The following DGKB variants were observed in gnomAD, a reference collection of about 807,000 sequenced individuals.
DGKB encodes 90 kDa diacylglycerol kinase.
Under a neutral mutation model 114.3 loss-of-function variants are expected in DGKB, and 67 were observed. That is an observed-to-expected ratio of 0.59 (90% CI 0.48 to 0.72). The LOEUF (loss-of-function observed/expected upper bound fraction) is 0.72, where lower values mean the gene tolerates loss of function less well. Ranked by LOEUF, DGKB falls within the 30% of genes least tolerant of loss-of-function variation. The probability of loss-of-function intolerance (pLI) is 0.00; values close to 1 mark genes in which losing one functional copy is unlikely to be tolerated. For missense variants in DGKB, 907 were observed against 975.2 expected (o/e 0.93, Z 0.93); for synonymous variants, 398 against 323.1 (o/e 1.23, Z -2.49).
chr7:14,192,544 G>T (rs770123790), intron 23 of DGKB, among the ~76,000 whole-genome samples: 48 of 152,016 alleles, frequency 3.2e-4, no homozygotes, highest in Non-Finnish European at 5.1e-4. Context: ...AAAGTGATCT[G>T]CAGATTTAAT....
chr7:14,694,501 A>G (rs1257761384), intron 8 of DGKB, among the ~76,000 whole-genome samples: 2 of 152,290 alleles, frequency 1.3e-5, no homozygotes, highest in East Asian at 3.9e-4. Context: ...TACTTTCTTC[A>G]TATTATTTTT....
At chr7:14,315,284 A>C (rs1806254437) in intron 23 of DGKB, among the ~76,000 whole-genome samples, 1 of 151,352 alleles carries the variant, frequency 6.6e-6, no homozygotes, top group Admixed American at 6.6e-5. Context: ...ACATAACACT[A>C]TTAACTTTAA....
In DGKB at chr7:14,472,361, C is replaced by A. The variant is rs572667776; in HGVS notation, c.1835+5800G>T. ...GTTTCCCTGCACAAGCTAGCTCTCT[C>A]ATTGCCTGCCACCATCCACGTACAA... On this transcript the variant is annotated intron_variant, in intron 21 of 25. Coordinates refer to ENST00000402815, the MANE Select transcript of DGKB (RefSeq NM_001350709.2). 2.0e-5 allele frequency among the ~76,000 whole-genome samples: 3 copies of A among 152,292 alleles called. No homozygotes were observed. The South Asian group carries it at 6.2e-4, about 32-fold the overall frequency.
At chr7:14,265,205 A>G (rs564227718) in intron 23 of DGKB, among the ~76,000 whole-genome samples, 1 of 150,652 alleles carries the variant, frequency 6.6e-6, no homozygotes, top group Non-Finnish European at 1.5e-5. Context: ...ACACTAAACA[A>G]TATTTTTCAG....
intron 21 of DGKB, among the ~76,000 whole-genome samples, chr7:14,426,580 T>C (rs530594927): frequency 6.6e-6 from 1 of 152,280 alleles, no homozygotes; most frequent in East Asian, 1.9e-4. Context: ...CCTATTTGCC[T>C]ACTGGGATCT....
upstream of DGKB, among the ~76,000 whole-genome samples, chr7:14,905,610 T>C (rs1316088290): frequency 6.6e-6 from 1 of 152,180 alleles, no homozygotes; most frequent in East Asian, 1.9e-4. Flanking sequence ...TAGAAACGAA[T>C]CATATTAATT....
chr7:14,628,650 C>A (rs1809096326), intron 14 of DGKB, among the ~76,000 whole-genome samples: 1 of 152,068 alleles, frequency 6.6e-6, no homozygotes, highest in Non-Finnish European at 1.5e-5. Flanking sequence ...CCCACATATA[C>A]TTTAACCACA....
intron 1 of DGKB, among the ~76,000 whole-genome samples, chr7:14,922,660 A>G (rs1784566782): frequency 6.6e-6 from 1 of 152,132 alleles, no homozygotes; most frequent in African/African-American, 2.4e-5. Flanking sequence ...TAGCTAGGAT[A>G]GTATTGTTAC....
At chr7:14,384,385 A>C (rs552897764) in intron 21 of DGKB, among the ~76,000 whole-genome samples, 1 of 152,292 alleles carries the variant, frequency 6.6e-6, no homozygotes, top group South Asian at 2.1e-4. Flanking sequence ...AGTTACTCTC[A>C]TATGGTTACA....
chr7:14,466,104 T>C (rs768220188), intron 21 of DGKB, among the ~76,000 whole-genome samples: 48 of 152,162 alleles, frequency 3.2e-4, no homozygotes, highest in Middle Eastern at 3.4e-3. Flanking sequence ...CATAAAAAGG[T>C]TAAATAAGGC....
chr7:14,290,248 A>G (rs957597344), intron 23 of DGKB, among the ~76,000 whole-genome samples: 5 of 152,184 alleles, frequency 3.3e-5, no homozygotes, highest in Admixed American at 6.5e-5. Flanking sequence ...GAGTAAAAAT[A>G]ACATTTCTTA....
intron 9 of DGKB, 89 bp downstream of exon 9, chr7:14,693,986 A>T (rs984472472): frequency 2.1e-6 from 3 of 1,450,534 alleles, no homozygotes; most frequent in Admixed American, 4.6e-5. Flanking sequence ...TAATGGTAGA[A>T]AATGGTCACA....
intron 21 of DGKB, among the ~76,000 whole-genome samples, chr7:14,382,241 C>T (rs867921139): frequency 6.6e-6 from 1 of 151,366 alleles, no homozygotes; most frequent in Non-Finnish European, 1.5e-5. Flanking sequence ...ATTTCTTATC[C>T]GTAATCAGTA....
At chr7:14,171,600 G>C (rs1001269472) in intron 25 of DGKB, among the ~76,000 whole-genome samples, 4 of 152,168 alleles carry the variant, frequency 2.6e-5, no homozygotes, top group African/African-American at 7.2e-5. Flanking sequence ...AATCTTTTGA[G>C]ATTGAGAAAG....
intron 2 of DGKB, among the ~76,000 whole-genome samples, chr7:14,775,072 T>C (rs1360988139): frequency 1.3e-5 from 2 of 152,164 alleles, no homozygotes; most frequent in Non-Finnish European, 2.9e-5. Context: ...ACTGCAGTGA[T>C]ATCCTTCTAG....
At chr7:14,396,271 A>G (rs1822202152) in intron 21 of DGKB, among the ~76,000 whole-genome samples, 1 of 152,136 alleles carries the variant, frequency 6.6e-6, no homozygotes, top group African/African-American at 2.4e-5. Context: ...TTTCAAGGTG[A>G]AATAAAGTAG....
In DGKB at chr7:14,895,716, G is replaced by A. The variant is rs554016667; in HGVS notation, c.-188+6876C>T. On this transcript the variant is annotated intron_variant, in intron 1 of 25. Coordinates refer to ENST00000402815, the MANE Select transcript of DGKB (RefSeq NM_001350709.2). ...TAAAGGATGAATAGGATACAGGACC[G>A]TGGTATAAGTAAGTACTTCTGTCTC... Among the ~76,000 whole-genome samples the A allele has an allele frequency of 7.3e-5, 11 of 151,714 alleles. No homozygotes were observed. The South Asian group carries it at 1.7e-3, about 23-fold the overall frequency.
At chr7:14,835,299 C>A (rs377336118) in intron 2 of DGKB, among the ~76,000 whole-genome samples, 7 of 152,190 alleles carry the variant, frequency 4.6e-5, no homozygotes, top group African/African-American at 1.7e-4. Flanking sequence ...TATTCAACTG[C>A]CTCAGCCACC....
chr7:14,877,196 C>T (rs1363026728), intron 1 of DGKB, among the ~76,000 whole-genome samples: 3 of 152,020 alleles, frequency 2.0e-5, no homozygotes, highest in Non-Finnish European at 1.5e-5. Context: ...TGTGGTTTAC[C>T]CCCTATTATA....
Sources: gnomAD v4.1 joint callset for allele counts (sites outside exome capture counted in the v4.1 genomes callset) on GRCh38, gnomAD v4.1.1 for gene constraint, MANE v1.5 for transcripts, NCBI Gene and HGNC (gene_info 2026-07-23, HGNC 2026-07-21) for gene names.